TYW1B: variants seen among roughly 807,000 people sequenced by gnomAD.
TYW1B encodes the protein S-adenosyl-L-methionine-dependent tRNA 4-demethylwyosine synthase TYW1B.
TYW1B carries 73 observed loss-of-function variants against 86.9 expected under a neutral mutation model. That is an observed-to-expected ratio of 0.84 (90% CI 0.70 to 1.02). The LOEUF (loss-of-function observed/expected upper bound fraction) is 1.02, where lower values mean the gene tolerates loss of function less well. TYW1B is among the 50% of genes least tolerant of loss of function. TYW1B has a pLI of 0.00. For synonymous variants in TYW1B, 248 were observed against 292.8 expected, an observed-to-expected ratio of 0.85 and a Z score of 1.56; for missense variants, 637 against 827.4, an observed-to-expected ratio of 0.77 and a Z score of 2.82.
At chr7:72,806,232 T>G (rs1327757016) in intron 5 of TYW1B, among the ~76,000 whole-genome samples, 1 of 105,812 alleles carries the variant, frequency 9.5e-6, no homozygotes, top group East Asian at 2.8e-4. Flanking sequence ...GTTGTGTGTG[T>G]GTGGGTTTTT....
At chr7:72,575,777 G>C (rs1250798003) in intron 13 of TYW1B, 58 bp from the exon 14 acceptor site, 1 of 1,574,254 alleles carries the variant, frequency 6.4e-7, no homozygotes, top group African/African-American at 1.4e-5. Flanking sequence ...AAAAAAAAAT[G>C]AATGTTTTTA....
intron 7 of TYW1B, among the ~76,000 whole-genome samples, chr7:72,773,456 T>C (rs1305812714): frequency 6.6e-6 from 1 of 152,228 alleles, no homozygotes; most frequent in African/African-American, 2.4e-5. Context: ...CTCAGCTTAC[T>C]GTCTTGAAAC....
chr7:72,676,471 C>G (rs532466705), intron 11 of TYW1B, among the ~76,000 whole-genome samples: 4 of 152,288 alleles, frequency 2.6e-5, no homozygotes, highest in Middle Eastern at 3.4e-3. Context: ...AGAGTCTCAA[C>G]AGCAAACCCT....
chr7:72,619,647 CA>C lies in TYW1B; in HGVS notation c.1618-2809del, dbSNP rs34309451. ...TGGGCGACAGAGCAAGACTCCGTCT[CA>C]AAAAAAAAAAAAAAAAAAGAAATCA... On this transcript the variant is annotated intron_variant, in intron 12 of 13. Coordinates refer to ENST00000620995, the MANE Select transcript of TYW1B (RefSeq NM_001145440.3). 7.0e-3 allele frequency among the ~76,000 whole-genome samples: 482 copies of C among 68,780 alleles called. 1 individual carries two copies. The highest frequency in any genetic ancestry group is 0.02 in the African/African-American group (355 of 18,040). 45.1% of individuals were successfully genotyped at this position (68,780 alleles called of 152,430 possible).
At chr7:72,632,888 C>T (rs1212019709) in intron 11 of TYW1B, among the ~76,000 whole-genome samples, 2 of 152,156 alleles carry the variant, frequency 1.3e-5, no homozygotes, top group African/African-American at 4.8e-5. Flanking sequence ...CCTGAAGTTA[C>T]ACAGCTGGAG....
intron 2 of TYW1B, among the ~76,000 whole-genome samples, chr7:72,817,417 G>GA (rs1788744713): frequency 6.6e-6 from 1 of 151,926 alleles, no homozygotes; most frequent in African/African-American, 2.4e-5. Flanking sequence ...CAAAAAAAAA[G>GA]AAAAAAGGTA....
intron 12 of TYW1B, among the ~76,000 whole-genome samples, chr7:72,628,018 A>G (rs1180599392): frequency 2.0e-5 from 3 of 152,190 alleles, no homozygotes; most frequent in Admixed American, 2.0e-4. Context: ...TCAGCCGGGC[A>G]CAGTGGCTCA....
intron 11 of TYW1B, among the ~76,000 whole-genome samples, chr7:72,670,210 A>T (rs551236183): frequency 6.6e-6 from 1 of 152,104 alleles, no homozygotes; most frequent in Admixed American, 6.5e-5. Context: ...TCTTTTTTTG[A>T]GACTGAGTTC....
chr7:72,703,455 G>C (rs1431801217), intron 10 of TYW1B, among the ~76,000 whole-genome samples: 2 of 152,086 alleles, frequency 1.3e-5, no homozygotes, highest in African/African-American at 4.8e-5. Flanking sequence ...ATTGTGTTCA[G>C]ATATCATGCT....
Position 72,673,318 on chromosome 7 carries a change from A to G in TYW1B, c.1506+21369T>C, listed in dbSNP as rs546096666. ...GCACTCCCATGTTTATTGCAACACT[A>G]GTCACAATGGCCAAGATTTGGAAGC... On this transcript the variant is annotated intron_variant, in intron 11 of 13. Transcript: ENST00000620995. Among the ~76,000 whole-genome samples, 7 of 152,384 alleles carry G rather than the reference A, an allele frequency of 4.6e-5. No homozygotes were observed. The South Asian group carries it at 1.4e-3, about 32-fold the overall frequency.
At position 72,810,668 on chromosome 7, in the gene TYW1B, A is replaced by G. The variant is rs1788593291; in HGVS notation, c.238-3T>C. On this transcript the variant is annotated splice_region_variant and splice_polypyrimidine_tract_variant and intron_variant, in intron 3 of 13. Coordinates refer to ENST00000620995, the MANE Select transcript of TYW1B (RefSeq NM_001145440.3). ...ACACAGACATTTTTACTAGTCACCT[A>G]ACCAAGAAAGTAATTGTTTCAGTGG... 2 of 1,596,770 alleles carry G rather than the reference A, an allele frequency of 1.3e-6. No homozygotes were observed. The highest frequency in any genetic ancestry group is 1.7e-6 in the Non-Finnish European group (2 of 1,170,828).
At chr7:72,755,910 A>G (rs963789500) in intron 7 of TYW1B, among the ~76,000 whole-genome samples, 17 of 152,188 alleles carry the variant, frequency 1.1e-4, no homozygotes, top group Non-Finnish European at 1.5e-4. Flanking sequence ...TGAAGTATCA[A>G]GCAAAGATCA....
At chr7:72,618,155 CACACACAAAT>C (rs1465365221) in intron 12 of TYW1B, among the ~76,000 whole-genome samples, 4 of 151,112 alleles carry the variant, frequency 2.6e-5, no homozygotes, top group Non-Finnish European at 5.9e-5. Context: ...CACACACAAA[CACACACAAAT>C]ACATATAAAG....
chr7:72,798,478 A>AT (rs1442415691), intron 6 of TYW1B, among the ~76,000 whole-genome samples: 7 of 152,192 alleles, frequency 4.6e-5, no homozygotes, highest in Non-Finnish European at 1.0e-4. Flanking sequence ...CCACCATAGT[A>AT]TTATTCAGAG....
rs537265158 is a variant in TYW1B at position 72,801,826 on chromosome 7, C to A, written c.846+574G>T. On this transcript the variant is annotated intron_variant, in intron 6 of 13. Coordinates refer to ENST00000620995, the MANE Select transcript of TYW1B (RefSeq NM_001145440.3). Reference sequence around the variant, plus strand: ...CACAGACCAGGCTGCCATCCTTAAGCCCCAACACCACTTAGTCTATACAGC... The same window carrying A: ...CACAGACCAGGCTGCCATCCTTAAGACCCAACACCACTTAGTCTATACAGC... 2.0e-5 allele frequency among the ~76,000 whole-genome samples: 3 copies of A among 152,220 alleles called. No homozygotes were observed. The East Asian group carries it at 5.8e-4, about 29-fold the overall frequency.
intron 13 of TYW1B, among the ~76,000 whole-genome samples, chr7:72,598,416 G>GT: frequency 6.6e-6 from 1 of 151,906 alleles, no homozygotes; most frequent in South Asian, 2.1e-4. Context: ...ACAGAACCCT[G>GT]ACTAATACAC....
chr7:72,813,174 T>C (rs1370443814), intron 3 of TYW1B, among the ~76,000 whole-genome samples: 8 of 148,152 alleles, frequency 5.4e-5, no homozygotes, highest in East Asian at 3.9e-4. Context: ...ACTTCTTCTT[T>C]TTTTTTTTTT....
chr7:72,749,909 TTTG>T (rs1179137462), intron 7 of TYW1B, among the ~76,000 whole-genome samples: 10 of 94,688 alleles, frequency 1.1e-4, no homozygotes, highest in Non-Finnish European at 4.8e-5. Flanking sequence ...GTTGGTTTTT[TTTG>T]TTTTTTTTTT....
chr7:72,814,581 C>T (rs1374398311), intron 3 of TYW1B, among the ~76,000 whole-genome samples: 2 of 150,292 alleles, frequency 1.3e-5, no homozygotes, highest in Admixed American at 6.6e-5. Context: ...GAGACTCCGT[C>T]TCAAAAAAAA....
Sources: gnomAD v4.1 joint callset for allele counts (sites outside exome capture counted in the v4.1 genomes callset) on GRCh38, gnomAD v4.1.1 for gene constraint, MANE v1.5 for transcripts, NCBI Gene and HGNC (gene_info 2026-07-23, HGNC 2026-07-21) for gene names.